The following TUT7 variants were observed in gnomAD, a reference collection of about 807,000 sequenced individuals.
The protein encoded by TUT7 is terminal uridylyl transferase 7, also known as terminal uridylyltransferase 7.
Under a neutral mutation model 165.9 loss-of-function variants are expected in TUT7, and 33 were observed. The ratio of observed to expected loss-of-function variants is 0.20; its 90% CI spans 0.15 to 0.27. The LOEUF is 0.27. Ranked by LOEUF, TUT7 falls within the 10% of genes least tolerant of loss-of-function variation. TUT7 has a pLI of 1.00. For synonymous variants in TUT7, 552 were observed against 608.1 expected, an observed-to-expected ratio of 0.91 and a Z score of 1.36; for missense variants, 1,338 against 1,762.3, an observed-to-expected ratio of 0.76 and a Z score of 4.31.
At chr9:86,346,858 T>C (rs1029444363) in intron 2 of TUT7, among the ~76,000 whole-genome samples, 1 of 152,192 alleles carries the variant, frequency 6.6e-6, no homozygotes, top group Non-Finnish European at 1.5e-5. Context: ...TGTAAATATA[T>C]CTTACATATT....
Position 86,303,147 on chromosome 9 carries a change from T to C in TUT7, c.4033A>G (p.Arg1345Gly). The C allele has an allele frequency of 6.2e-7, 1 of 1,611,534 alleles. No individual in the cohort carries two copies. Among genetic ancestry groups the C allele is most frequent in the South Asian group, 1.1e-5 (1 of 90,632 alleles). ...LTEGELAPNDRCCRICGKIGH... is the reference protein window; with the variant it reads ...LTEGELAPNDGCCRICGKIGH... Reference sequence around the variant, plus strand: ...ATTTTTCCACAAATTCGACAACATCTATCATTTGGGGCCAGCTCTCCTTCA... The same window carrying C: ...ATTTTTCCACAAATTCGACAACATCCATCATTTGGGGCCAGCTCTCCTTCA... The change falls in exon 25 of 27, where the codon AGA becomes GGA. Residue 1345 changes from arginine (R) to glycine (G), a missense_variant. Physicochemically the swap from Arg to Gly is moderately radical, Grantham distance 125. Around this residue, in one of 7 missense-constraint regions of TUT7, gnomAD observed 167 missense variants for 204.9 expected, o/e 0.82. Coordinates refer to ENST00000375963, the MANE Select transcript of TUT7 (RefSeq NM_024617.4).
rs115665835 is a variant in TUT7 at position 86,326,086 on chromosome 9, G to A, written c.1609-572C>T. 6.0e-3 allele frequency among the ~76,000 whole-genome samples: 911 copies of A among 152,312 alleles called. 11 individuals are homozygous for A. Among genetic ancestry groups the A allele is most frequent in the African/African-American group, 0.019 (808 of 41,558 alleles). On this transcript the variant is annotated intron_variant, in intron 11 of 26. Coordinates refer to ENST00000375963, the MANE Select transcript of TUT7 (RefSeq NM_024617.4). ...TTCTGACAAGTTGGAACATAACTGCGATGTAATATATTAGAAAGTACATAT... is the reference window on the plus strand; with the variant it reads ...TTCTGACAAGTTGGAACATAACTGCAATGTAATATATTAGAAAGTACATAT...
chr9:86,344,110 AG>A (rs1831551920), intron 5 of TUT7, among the ~76,000 whole-genome samples: 1 of 152,230 alleles, frequency 6.6e-6, no homozygotes, highest in Admixed American at 6.5e-5. Flanking sequence ...ATGATCTTTC[AG>A]TAGAACAAAC....
intron 23 of TUT7, 81 bp downstream of exon 23, chr9:86,305,111 T>TA: frequency 1.4e-6 from 2 of 1,382,122 alleles, no homozygotes; most frequent in Non-Finnish European, 2.0e-6. Context: ...GCCTGGGCAA[T>TA]AAAAGCAAGA....
intron 2 of TUT7, 179 bp downstream of exon 2, chr9:86,352,501 A>T: frequency 1.4e-6 from 1 of 731,338 alleles, no homozygotes; most frequent in Non-Finnish European, 2.3e-6. Context: ...AATGTGTTTT[A>T]GCTGCTCAAA....
intron 13 of TUT7, 84 bp from the exon 14 acceptor site, chr9:86,322,559 C>G: frequency 6.7e-7 from 1 of 1,482,260 alleles, no homozygotes; most frequent in Middle Eastern, 1.8e-4. Context: ...TAAAAGTACA[C>G]AGTCACCTAT....
At chr9:86,309,410 G>A (rs773878895) in intron 20 of TUT7, 53 bp downstream of exon 20, 181 of 1,518,990 alleles carry the variant, frequency 1.2e-4, no homozygotes, top group Non-Finnish European at 1.6e-4. Flanking sequence ...GAGGAGAAAG[G>A]CTCAGAGATC....
rs1459682917 is a variant in TUT7, at chr9:86,301,353, A to T, written c.4343T>A (p.Leu1448Ter). 1 of 1,613,970 alleles carries T rather than the reference A, an allele frequency of 6.2e-7. No individual in the cohort carries two copies. Among genetic ancestry groups the T allele is most frequent in the African/African-American group, 1.3e-5 (1 of 74,886 alleles). ...EKWKRQDDKDLREKRCFICGR... is the reference protein window; with the variant it reads ...EKWKRQDDKD ...ACAAATAAAACAACGTTTTTCTCTT[A>T]AGTCTTTGTCATCCTGTCTCTTCCA... Residue 1448 changes from leucine (L) to a stop codon, truncating the protein, a stop_gained, in exon 26 of 27, where the codon TTA (leucine) becomes TAA (stop). Transcript: ENST00000375963. LOFTEE classifies it high-confidence loss of function.
Position 86,352,933 on chromosome 9 carries a change from C to G in TUT7, c.267G>C (p.Trp89Cys), listed in dbSNP as rs763951582. Residue 89 changes from tryptophan to cysteine, a missense_variant, in exon 2 of 27, where the codon TGG becomes TGC. Physicochemically the swap from Trp to Cys is radical, Grantham distance 215. Transcript: ENST00000375963. ...FKNPIYSQPA[W>C]MNDSHKDQSK... is the part of the protein sequence containing the mutation. ...TCTGATCTTTGTGGCTGTCATTCAT[C>G]CAAGCGGGTTGACTGTAGATTGGGT... 39 of 1,614,072 alleles carry G rather than the reference C, an allele frequency of 2.4e-5. 1 individual carries two copies. The Admixed American group carries it at 6.5e-4, about 27-fold the overall frequency.
At chr9:86,303,578 C>G (rs1827155160) in intron 24 of TUT7, among the ~76,000 whole-genome samples, 1 of 152,030 alleles carries the variant, frequency 6.6e-6, no homozygotes, top group Admixed American at 6.5e-5. Flanking sequence ...AATTGAGAAA[C>G]ATGATTTGCA....
At chr9:86,318,817 TATTTGG>T (rs1828976225) in intron 16 of TUT7, 135 bp downstream of exon 16, 2 of 536,284 alleles carry the variant, frequency 3.7e-6, no homozygotes, top group Admixed American at 7.2e-5. Flanking sequence ...CCTCTTAATG[TATTTGG>T]CCAGAGACTG....
chr9:86,331,813 A>T (rs1032175943), intron 10 of TUT7, among the ~76,000 whole-genome samples: 1 of 152,230 alleles, frequency 6.6e-6, no homozygotes. Flanking sequence ...TCAACAGAGT[A>T]AACAGACAAC....
At chr9:86,327,771 G>C (rs1829926276) in intron 11 of TUT7, among the ~76,000 whole-genome samples, 1 of 152,144 alleles carries the variant, frequency 6.6e-6, no homozygotes. Context: ...GCTGGGATTC[G>C]ATTCCAAGAA....
intron 2 of TUT7, among the ~76,000 whole-genome samples, chr9:86,347,078 T>C (rs1400153288): frequency 2.6e-5 from 4 of 152,184 alleles, no homozygotes; most frequent in Non-Finnish European, 5.9e-5. Flanking sequence ...CCTCCGTTAA[T>C]ATGAAGAAGT....
intron 26 of TUT7, 28 bp from the exon 27 acceptor site, chr9:86,288,772 A>G (rs745576937): frequency 5.1e-6 from 8 of 1,578,492 alleles, no homozygotes; most frequent in South Asian, 4.5e-5. Flanking sequence ...ACAAAACCCA[A>G]TATAAATGAA....
intron 17 of TUT7, among the ~76,000 whole-genome samples, chr9:86,314,025 G>A (rs961710397): frequency 6.6e-6 from 1 of 152,292 alleles, no homozygotes; most frequent in Non-Finnish European, 1.5e-5. Flanking sequence ...TGCACTTTAC[G>A]TATTATCTTT....
At chr9:86,295,501 A>G (rs1177427671) in intron 26 of TUT7, among the ~76,000 whole-genome samples, 1 of 152,164 alleles carries the variant, frequency 6.6e-6, no homozygotes, top group African/African-American at 2.4e-5. Flanking sequence ...AATATGTGAA[A>G]ACAGCCAGTC....
At chr9:86,336,650 G>C (rs536345322) in intron 10 of TUT7, among the ~76,000 whole-genome samples, 1 of 152,274 alleles carries the variant, frequency 6.6e-6, no homozygotes, top group East Asian at 1.9e-4. Flanking sequence ...AGTTACAATA[G>C]CCAATGTGTC....
At chr9:86,295,839 A>G (rs1399258167) in intron 26 of TUT7, among the ~76,000 whole-genome samples, 2 of 151,514 alleles carry the variant, frequency 1.3e-5, no homozygotes, top group Non-Finnish European at 2.9e-5. Context: ...ATAAATAGAC[A>G]GAGGTAGTTT....
Sources: allele counts gnomAD v4.1 joint callset (sites outside exome capture counted in the v4.1 genomes callset), GRCh38; gene constraint gnomAD v4.1.1; regional missense constraint gnomAD v4.1.1; transcripts MANE v1.5; gene names NCBI Gene and HGNC (gene_info 2026-07-23, HGNC 2026-07-21).